The following ARPC1B variants were observed in gnomAD, a reference collection of about 807,000 sequenced individuals.
ARPC1B encodes actin-related protein 2/3 complex subunit 1B.
ARPC1B carries 29 observed loss-of-function variants against 46.0 expected under a neutral mutation model. The ratio of observed to expected loss-of-function variants is 0.63; its 90% CI spans 0.47 to 0.86. The LOEUF (loss-of-function observed/expected upper bound fraction) is 0.86, where lower values mean the gene tolerates loss of function less well. Ranked by LOEUF, ARPC1B falls within the 40% of genes least tolerant of loss-of-function variation. The pLI is 0.00. For missense variants in ARPC1B, 469 were observed against 529.4 expected, an observed-to-expected ratio of 0.89 and a Z score of 1.12; for synonymous variants, 201 against 213.9, an observed-to-expected ratio of 0.94 and a Z score of 0.53.
chr7:99,382,219 C>G (rs1447837918), intron 1 of ARPC1B, among the ~76,000 whole-genome samples: 5 of 151,994 alleles, frequency 3.3e-5, no homozygotes, highest in Non-Finnish European at 7.4e-5. Context: ...GGGCGGATCA[C>G]TTGAGGTCAG....
chr7:99,385,118 CTAAT>C (rs1794346372), intron 1 of ARPC1B, among the ~76,000 whole-genome samples: 1 of 151,776 alleles, frequency 6.6e-6, no homozygotes. Flanking sequence ...CCACACCCGA[CTAAT>C]TTTTTGTAGT....
intron 5 of ARPC1B, among the ~76,000 whole-genome samples, chr7:99,390,517 C>T (rs1794537612): frequency 6.6e-6 from 1 of 152,000 alleles, no homozygotes; most frequent in Non-Finnish European, 1.5e-5. Context: ...GCTGGAACTA[C>T]AGGCGCATGC....
chr7:99,382,786 A>ATTAT (rs1272655439), intron 1 of ARPC1B, among the ~76,000 whole-genome samples: 1 of 143,192 alleles, frequency 7.0e-6, no homozygotes, highest in African/African-American at 2.6e-5. Context: ...ATTTAATAAA[A>ATTAT]TTATTTATTT....
intron 2 of ARPC1B, among the ~76,000 whole-genome samples, chr7:99,386,112 G>A (rs774496221): frequency 6.8e-4 from 103 of 152,088 alleles, no homozygotes; most frequent in Non-Finnish European, 6.9e-4. Flanking sequence ...TTACCTGGGC[G>A]TGGTGGTGGG....
chr7:99,389,639 T>G (rs1209950533), intron 4 of ARPC1B: 1 of 423,216 alleles, frequency 2.4e-6, no homozygotes, highest in African/African-American at 2.0e-5. Context: ...CCTCTGGTGA[T>G]GGCATCACTT....
chr7:99,394,175 C>A (rs1425375396), intron 9 of ARPC1B, 56 bp downstream of exon 9: 21 of 1,562,958 alleles, frequency 1.3e-5, no homozygotes, highest in East Asian at 2.3e-5. Context: ...CCCTTTCCCC[C>A]CATCCCCACT....
At chr7:99,392,599 C>T (rs1429137941) in intron 7 of ARPC1B, 72 bp from the exon 8 acceptor site, 1 of 1,367,064 alleles carries the variant, frequency 7.3e-7, no homozygotes, top group Non-Finnish European at 9.6e-7. Context: ...GGCGGCCAGA[C>T]GCCCGCCTGG....
chr7:99,380,263 G>A (rs886588741), intron 1 of ARPC1B, among the ~76,000 whole-genome samples: 2 of 152,040 alleles, frequency 1.3e-5, no homozygotes, highest in Non-Finnish European at 2.9e-5. Flanking sequence ...TGGCAGCATT[G>A]GCTGAGAGAA....
chr7:99,389,664 T>C, intron 4 of ARPC1B: 1 of 485,492 alleles, frequency 2.1e-6, no homozygotes. Context: ...GAGCCTGCTC[T>C]GAGGGTGACT....
intron 1 of ARPC1B, among the ~76,000 whole-genome samples, chr7:99,377,999 T>C (rs1486555462): frequency 6.6e-6 from 1 of 152,106 alleles, no homozygotes; most frequent in Non-Finnish European, 1.5e-5. Flanking sequence ...TAATTTACTC[T>C]TTCCATATTG....
At chr7:99,387,887 G>C (rs138283111) in intron 3 of ARPC1B, 152 bp from the exon 4 acceptor site, 1 of 608,864 alleles carries the variant, frequency 1.6e-6, no homozygotes, top group Admixed American at 2.9e-5. Context: ...GTGACAGAGC[G>C]AGACTCTGTT....
At chr7:99,394,226 C>A in intron 9 of ARPC1B, 107 bp downstream of exon 9, 2 of 1,303,032 alleles carry the variant, frequency 1.5e-6, no homozygotes, top group Non-Finnish European at 2.2e-6. Flanking sequence ...GCAGAGATGG[C>A]ACTGCATGGG....
chr7:99,390,103 C>G (rs2150895490), intron 5 of ARPC1B, 91 bp downstream of exon 5: 1 of 1,182,290 alleles, frequency 8.5e-7, no homozygotes, highest in East Asian at 2.4e-5. Context: ...CTCTACACCC[C>G]AGCTTCTAGA....
chr7:99,394,500 A>G lies in ARPC1B; in HGVS notation c.*11A>G, dbSNP rs1427989279. 56 of 1,613,918 alleles carry G rather than the reference A, an allele frequency of 3.5e-5. No individual in the cohort carries two copies. The East Asian group carries it at 1.2e-3, about 35-fold the overall frequency. ...CTCAAGATCAAATGACCTGTGAGGAATATGTTGCCTTCATCCTAGCTGCTG... is the reference window on the plus strand; with the variant it reads ...CTCAAGATCAAATGACCTGTGAGGAGTATGTTGCCTTCATCCTAGCTGCTG... On this transcript the variant is annotated 3_prime_UTR_variant, in exon 10 of 10. Transcript: ENST00000646101.
Position 99,394,603 on chromosome 7 carries a change from A to T in ARPC1B, c.*114A>T. The T allele has an allele frequency of 6.4e-7, 1 of 1,560,444 alleles. No individual in the cohort carries two copies. The highest frequency in any genetic ancestry group is 1.2e-5 in the South Asian group (1 of 84,686). The stretch of plus-strand genomic sequence containing the variant: ...CTGGGGTACCAATACGAGTTCCCAT[A>T]GGGGCTGCTCCCTCAAAAAGGGAGG... On this transcript the variant is annotated 3_prime_UTR_variant, in exon 10 of 10. Coordinates refer to ENST00000646101, the MANE Select transcript of ARPC1B (RefSeq NM_005720.4).
chr7:99,374,348 T>C (rs1306515701), upstream of ARPC1B: 1 of 152,010 alleles, frequency 6.6e-6, no homozygotes, highest in Non-Finnish European at 1.5e-5. This position sits in a 1 kb window ranked among gnomAD's most constrained non-coding sequence, Gnocchi z 5.0. Flanking sequence ...CACCTGCGTG[T>C]GAGCGCGGAG....
At chr7:99,378,977 C>T (rs1419110920) in intron 1 of ARPC1B, among the ~76,000 whole-genome samples, 3 of 151,778 alleles carry the variant, frequency 2.0e-5, no homozygotes, top group Non-Finnish European at 4.4e-5. Context: ...CGGGGTTTCA[C>T]CGTTTTAGCC....
chr7:99,394,249 G>T, intron 9 of ARPC1B, 130 bp downstream of exon 9: 1 of 1,190,926 alleles, frequency 8.4e-7, no homozygotes, highest in East Asian at 2.5e-5. Context: ...TGAGGGGTGG[G>T]GGCGGCCCCT....
chr7:99,391,107 G>A lies in ARPC1B; in HGVS notation c.707+8G>A, dbSNP rs1458592112. The A allele has an allele frequency of 3.7e-6, 6 of 1,612,188 alleles. No homozygotes were observed. Among genetic ancestry groups the A allele is most frequent in the East Asian group, 2.2e-5 (1 of 44,820 alleles). Reference sequence around the variant, plus strand: ...TGCCGACAAGAAGATGGCGTGAGTCGAGGCCATCCCCAGGGGAGGAGGTGA... The same window carrying A: ...TGCCGACAAGAAGATGGCGTGAGTCAAGGCCATCCCCAGGGGAGGAGGTGA... On this transcript the variant is annotated splice_region_variant and intron_variant, in intron 6 of 9. Transcript: ENST00000646101.
Sources: gnomAD v4.1 joint callset for allele counts (sites outside exome capture counted in the v4.1 genomes callset) on GRCh38, gnomAD v4.1.1 for gene constraint, Gnocchi (gnomAD v3.1) non-coding constraint, MANE v1.5 for transcripts, NCBI Gene and HGNC (gene_info 2026-07-23, HGNC 2026-07-21) for gene names.